The following SHC3 variants were observed in gnomAD, a reference collection of about 807,000 sequenced individuals.
SHC3 encodes the protein SHC adaptor protein 3.
In SHC3, 15 loss-of-function variants were observed where a neutral mutation model predicts 60.4. The observed-to-expected ratio is 0.25, with a 90% CI of 0.17 to 0.38. SHC3 has a LOEUF of 0.38. Ranked by LOEUF, SHC3 falls within the 10% of genes least tolerant of loss-of-function variation. The probability of loss-of-function intolerance (pLI) is 1.00; values close to 1 mark genes in which losing one functional copy is unlikely to be tolerated. For missense variants in SHC3, 677 were observed against 786.1 expected (o/e 0.86, Z 1.66); for synonymous variants, 294 against 325.9 (o/e 0.90, Z 1.05).
chr9:89,029,450 T>A (rs905925713), intron 11 of SHC3, among the ~76,000 whole-genome samples: 17 of 152,178 alleles, frequency 1.1e-4, no homozygotes, highest in Non-Finnish European at 2.1e-4. Flanking sequence ...ATACTTTTAA[T>A]CAAAAGTGAC....
intron 2 of SHC3, among the ~76,000 whole-genome samples, chr9:89,098,692 T>C (rs918137964): frequency 2.0e-5 from 3 of 152,058 alleles, no homozygotes; most frequent in African/African-American, 7.2e-5. Context: ...GCGCCTGTAG[T>C]CCCAGCTACT....
At chr9:89,065,106 C>T (rs1350663023) in intron 6 of SHC3, among the ~76,000 whole-genome samples, 1 of 152,148 alleles carries the variant, frequency 6.6e-6, no homozygotes, top group South Asian at 2.1e-4. Flanking sequence ...TATAATCAGA[C>T]AGCGCCTGAG....
rs187574705 is a variant in SHC3 at position 89,038,462 on chromosome 9, A to G, written c.1361-174T>C. Among the ~76,000 whole-genome samples, 5 of 152,354 alleles carry G rather than the reference A, an allele frequency of 3.3e-5. No homozygotes were observed. In the East Asian group the frequency reaches 9.6e-4, roughly 29 times the overall value. On this transcript the variant is annotated intron_variant, in intron 10 of 11. Transcript: ENST00000375835. ...GGCTGGTAATATAACAAGAGCCATC[A>G]TAACAAGCATTGAAAAGCACAGCCC...
intron 5 of SHC3, among the ~76,000 whole-genome samples, chr9:89,070,321 G>A (rs11137502): frequency 0.072 from 10,894 of 152,222 alleles, 492 homozygotes; most frequent in Middle Eastern, 0.12. Flanking sequence ...TTTCCGGAGG[G>A]TGAGCCTTCT....
intron 1 of SHC3, among the ~76,000 whole-genome samples, chr9:89,172,815 C>T (rs867264040): frequency 6.6e-6 from 1 of 152,190 alleles, no homozygotes; most frequent in Non-Finnish European, 1.5e-5. Flanking sequence ...AATTCACTAA[C>T]TCTACTGCCC....
intron 5 of SHC3, among the ~76,000 whole-genome samples, chr9:89,069,057 C>T (rs948636993): frequency 1.3e-5 from 2 of 152,144 alleles, no homozygotes; most frequent in African/African-American, 4.8e-5. Flanking sequence ...GCCTGTAATC[C>T]CAGCACTTTG....
chr9:89,156,624 T>C lies in SHC3; in HGVS notation c.474+21363A>G, dbSNP rs117415086. ...AAGTCACAAGATGTTTGGTTCCCTG[T>C]AAAAACCAAAGACAACATCTTAAAA... On this transcript the variant is annotated intron_variant, in intron 1 of 11. Coordinates refer to ENST00000375835, the MANE Select transcript of SHC3 (RefSeq NM_016848.6). Among the ~76,000 whole-genome samples the C allele has an allele frequency of 7.2e-4, 110 of 152,268 alleles. 2 individuals are homozygous for C. The East Asian group carries it at 0.02, about 28-fold the overall frequency.
intron 6 of SHC3, among the ~76,000 whole-genome samples, chr9:89,053,810 A>G (rs1824902094): frequency 6.6e-6 from 1 of 152,198 alleles, no homozygotes. Context: ...ACAGTTGTGC[A>G]GGTCACTGAC....
At chr9:89,071,520 G>T (rs1321852748) in intron 4 of SHC3, among the ~76,000 whole-genome samples, 1 of 152,176 alleles carries the variant, frequency 6.6e-6, no homozygotes, top group Non-Finnish European at 1.5e-5. Context: ...TTACAGGTGA[G>T]GAGCCAGAAC....
intron 1 of SHC3, among the ~76,000 whole-genome samples, chr9:89,166,823 C>T (rs1438362168): frequency 6.6e-6 from 1 of 152,088 alleles, no homozygotes; most frequent in Admixed American, 6.5e-5. Context: ...GTGTGTCTCT[C>T]TCCCTGTATA....
In SHC3 at chr9:89,012,496, C is replaced by A. The variant is rs1353841640; in HGVS notation, c.*951G>T. ...GGATGGGTGCCTGCTCTTGCTGTCA[C>A]ACAGGCTTCTCCCCTATTGTATAAG... On this transcript the variant is annotated 3_prime_UTR_variant, in exon 12 of 12. Transcript: ENST00000375835. 2.0e-5 allele frequency: 3 copies of A among 152,140 alleles called. No homozygotes were observed. 9.4% of individuals were successfully genotyped at this position (152,140 alleles called of 1,614,324 possible). A position where few individuals can be genotyped will look rare whatever the true frequency, so the allele number is the denominator to read the frequency against.
At chr9:89,162,422 C>T (rs1056086047) in intron 1 of SHC3, among the ~76,000 whole-genome samples, 1 of 151,372 alleles carries the variant, frequency 6.6e-6, no homozygotes, top group Non-Finnish European at 1.5e-5. Flanking sequence ...AGAACAGAGC[C>T]CTCAGAAATA....
At chr9:89,141,739 T>C (rs557756072) in intron 1 of SHC3, among the ~76,000 whole-genome samples, 17 of 152,292 alleles carry the variant, frequency 1.1e-4, no homozygotes, top group South Asian at 2.1e-4. Context: ...TTGCTCCTGA[T>C]TGGGCCCTGT....
intron 2 of SHC3, among the ~76,000 whole-genome samples, chr9:89,082,882 C>G (rs1356217628): frequency 6.6e-6 from 1 of 152,202 alleles, no homozygotes; most frequent in Non-Finnish European, 1.5e-5. Flanking sequence ...CCGCTCATCT[C>G]CGAGTACCAG....
At chr9:89,116,054 A>T (rs1826014543) in intron 1 of SHC3, among the ~76,000 whole-genome samples, 1 of 152,184 alleles carries the variant, frequency 6.6e-6, no homozygotes, top group Non-Finnish European at 1.5e-5. Flanking sequence ...ACCATAGCAC[A>T]GTTATGTGTG....
intron 1 of SHC3, among the ~76,000 whole-genome samples, chr9:89,130,186 T>G (rs1826223889): frequency 6.6e-6 from 1 of 151,940 alleles, no homozygotes; most frequent in Non-Finnish European, 1.5e-5. Flanking sequence ...TACATAATGG[T>G]AAAGGGATCA....
intron 3 of SHC3, among the ~76,000 whole-genome samples, chr9:89,077,426 T>C (rs1167451523): frequency 1.3e-5 from 2 of 152,054 alleles, no homozygotes; most frequent in Non-Finnish European, 1.5e-5. Flanking sequence ...AATCAGAAAA[T>C]GCTACAAACT....
At chr9:89,027,303 C>A (rs1188456041) in intron 11 of SHC3, among the ~76,000 whole-genome samples, 1 of 148,748 alleles carries the variant, frequency 6.7e-6, no homozygotes, top group East Asian at 1.9e-4. Context: ...TGACAGTAGA[C>A]AACTAGTGAT....
At chr9:89,047,388 T>C (rs191655670) in intron 7 of SHC3, among the ~76,000 whole-genome samples, 1 of 152,306 alleles carries the variant, frequency 6.6e-6, no homozygotes, top group Admixed American at 6.5e-5. Context: ...TATGAACCTC[T>C]CAAAATTCTC....
Sources: allele counts gnomAD v4.1 joint callset (sites outside exome capture counted in the v4.1 genomes callset), GRCh38; gene constraint gnomAD v4.1.1; transcripts MANE v1.5; gene names NCBI Gene and HGNC (gene_info 2026-07-23, HGNC 2026-07-21).